The following KCNJ6 variants were observed in gnomAD, a reference collection of about 807,000 sequenced individuals.
KCNJ6 encodes potassium inwardly rectifying channel subfamily J member 6.
KCNJ6 carries 9 observed loss-of-function variants against 34.2 expected under a neutral mutation model. The ratio of observed to expected loss-of-function variants is 0.26; its 90% CI spans 0.16 to 0.46. The LOEUF (loss-of-function observed/expected upper bound fraction) is 0.46, where lower values mean the gene tolerates loss of function less well. Among genes scored for constraint, KCNJ6 ranks in the 20% least tolerant of loss-of-function variants. KCNJ6 has a pLI of 1.00. For synonymous variants in KCNJ6, 196 were observed against 207.1 expected (o/e 0.95, Z 0.46); for missense variants, 236 against 531.3 (o/e 0.44, Z 5.46).
chr21:37,798,420 G>A (rs1205689810), intron 2 of KCNJ6, among the ~76,000 whole-genome samples: 1 of 152,160 alleles, frequency 6.6e-6, no homozygotes, highest in African/African-American at 2.4e-5. Context: ...GCATTTGAGT[G>A]CAGTTACCCT....
rs2055837531 is a variant in KCNJ6 at position 37,905,561 on chromosome 21, G to A, written c.-28+10323C>T. ...GGAAAACCTTACTAAGCACCAAAAC[G>A]CTACTGTTCTTCCAAGACTCCTTCA... On this transcript the variant is annotated intron_variant, in intron 1 of 3. Transcript: ENST00000609713. Among the ~76,000 whole-genome samples the A allele has an allele frequency of 3.9e-5, 6 of 152,074 alleles. No homozygotes were observed. The South Asian group carries it at 8.3e-4, about 21-fold the overall frequency.
intron 3 of KCNJ6, among the ~76,000 whole-genome samples, chr21:37,667,010 CTG>C (rs1465135652): frequency 6.6e-6 from 1 of 151,714 alleles, no homozygotes; most frequent in East Asian, 1.9e-4. Context: ...GACACAAACA[CTG>C]TGGAAGGCCG....
At position 37,712,725 on chromosome 21, in the gene KCNJ6, T is replaced by C. The variant is rs190815583; in HGVS notation, c.946+1486A>G. Among the ~76,000 whole-genome samples the C allele has an allele frequency of 9.0e-3, 325 of 36,064 alleles. 26 individuals carry two copies. Among genetic ancestry groups the C allele is most frequent in the Middle Eastern group, 0.019 (1 of 54 alleles). The allele number at this position is 36,064 out of a possible 152,430, so 23.7% of individuals were successfully genotyped here. ...TCCTTCCTCCCTTTCTCTTCCCTCC[T>C]TCCTCCCCTTCTCCTCCTCTCCTTC... On this transcript the variant is annotated intron_variant, in intron 3 of 3. Coordinates refer to ENST00000609713, the MANE Select transcript of KCNJ6 (RefSeq NM_002240.5).
chr21:37,718,843 GA>G (rs2054808686), intron 2 of KCNJ6, among the ~76,000 whole-genome samples: 1 of 152,064 alleles, frequency 6.6e-6, no homozygotes. Context: ...ATAACAATGG[GA>G]AACAAAAAAA....
intron 3 of KCNJ6, among the ~76,000 whole-genome samples, chr21:37,629,296 A>T (rs1281502042): frequency 1.3e-5 from 2 of 152,154 alleles, no homozygotes; most frequent in Non-Finnish European, 2.9e-5. Context: ...AAACAAAGTG[A>T]TCCAAAATAT....
intron 2 of KCNJ6, among the ~76,000 whole-genome samples, chr21:37,760,358 CAG>C (rs1844273766): frequency 6.6e-6 from 1 of 152,220 alleles, no homozygotes; most frequent in African/African-American, 2.4e-5. Flanking sequence ...TAAGGCCACA[CAG>C]AGTCAGAATT....
chr21:37,688,292 T>C (rs1251842431), intron 3 of KCNJ6, among the ~76,000 whole-genome samples: 1 of 152,238 alleles, frequency 6.6e-6, no homozygotes, highest in Non-Finnish European at 1.5e-5. Context: ...TTGACATTTT[T>C]AGATGTTTGA....
At chr21:37,776,145 CTCTG>C (rs1367077423) in intron 2 of KCNJ6, among the ~76,000 whole-genome samples, 1 of 151,948 alleles carries the variant, frequency 6.6e-6, no homozygotes, top group African/African-American at 2.4e-5. Flanking sequence ...TTATTTGGCT[CTCTG>C]TCTGTTATTG....
intron 2 of KCNJ6, among the ~76,000 whole-genome samples, chr21:37,783,074 G>A (rs1221449566): frequency 6.6e-6 from 1 of 152,164 alleles, no homozygotes. Flanking sequence ...TAGTTTTACA[G>A]AGGAGGAGGC....
intron 2 of KCNJ6, among the ~76,000 whole-genome samples, chr21:37,726,887 C>T (rs2054857736): frequency 6.6e-6 from 1 of 152,194 alleles, no homozygotes; most frequent in Non-Finnish European, 1.5e-5. Context: ...CTCCAAAGTT[C>T]GTATCTACCC....
Position 37,675,365 on chromosome 21 carries a change from C to T in KCNJ6, c.946+38846G>A, listed in dbSNP as rs2054560061. Among the ~76,000 whole-genome samples, 1 of 152,376 alleles carries T rather than the reference C, an allele frequency of 6.6e-6. No homozygotes were observed. The highest frequency in any genetic ancestry group is 1.9e-4 in the East Asian group (1 of 5,188). ...GAGTGGCTGCATTGGCTTTAAGAAA[C>T]TGCGCCGGGCTGGGCAGCCGACGCA... On this transcript the variant is annotated intron_variant, in intron 3 of 3. Coordinates refer to ENST00000609713, the MANE Select transcript of KCNJ6 (RefSeq NM_002240.5). This position sits in a 1 kb window ranked among gnomAD's most constrained non-coding sequence, Gnocchi z 4.2.
At chr21:37,760,239 G>A (rs2055053933) in intron 2 of KCNJ6, among the ~76,000 whole-genome samples, 1 of 152,212 alleles carries the variant, frequency 6.6e-6, no homozygotes, top group Non-Finnish European at 1.5e-5. Context: ...AAGCCACTAT[G>A]TTTTGGCATA....
chr21:37,792,443 C>T (rs1452971298), intron 2 of KCNJ6, among the ~76,000 whole-genome samples: 1 of 152,160 alleles, frequency 6.6e-6, no homozygotes, highest in Admixed American at 6.5e-5. Flanking sequence ...TTGCCCATTT[C>T]CTTGAAGATC....
intron 1 of KCNJ6, among the ~76,000 whole-genome samples, chr21:37,849,829 C>T (rs868100300): frequency 6.6e-6 from 1 of 152,200 alleles, no homozygotes; most frequent in South Asian, 2.1e-4. Flanking sequence ...CCATGACTTA[C>T]AAAGTAACAG....
rs2054286594 is a variant in KCNJ6 at position 37,620,429 on chromosome 21, T to G, written c.*4730A>C. 6.6e-6 allele frequency: 1 copy of G among 152,256 alleles called. No individual in the cohort carries two copies. Among genetic ancestry groups the G allele is most frequent in the South Asian group, 2.1e-4 (1 of 4,836 alleles). The allele number at this position is 152,256 out of a possible 1,614,324, so 9.4% of individuals were successfully genotyped here. A position where few individuals can be genotyped will look rare whatever the true frequency, so the allele number is the denominator to read the frequency against. ...TGGACATTGAAATTTGAATTTAGGA[T>G]GATTTTCACATGTCTCAAAATATTC... On this transcript the variant is annotated 3_prime_UTR_variant, in exon 4 of 4. Transcript: ENST00000609713.
chr21:37,871,896 G>A (rs1725748012), intron 1 of KCNJ6, among the ~76,000 whole-genome samples: 1 of 152,238 alleles, frequency 6.6e-6, no homozygotes, highest in African/African-American at 2.4e-5. Context: ...TTAGGCAGCT[G>A]TTAAAATGTT....
chr21:37,765,269 G>A (rs752979386), intron 2 of KCNJ6, among the ~76,000 whole-genome samples: 10 of 152,150 alleles, frequency 6.6e-5, no homozygotes, highest in Non-Finnish European at 8.8e-5. Context: ...TTTGATAGCT[G>A]GAAATTGGCC....
chr21:37,837,812 G>T (rs1252367809), intron 2 of KCNJ6, among the ~76,000 whole-genome samples: 2 of 151,674 alleles, frequency 1.3e-5, no homozygotes, highest in Non-Finnish European at 2.9e-5. Context: ...CCTACTGATA[G>T]AATATCCTTA....
Position 37,625,179 on chromosome 21 carries a change from C to G in KCNJ6, c.1252G>C (p.Glu418Gln). ...GGGCACTAAACTTTGGATTCATTCTCCAGGTTTGCCACATCACCATTTCTT... is the reference window on the plus strand; with the variant it reads ...GGGCACTAAACTTTGGATTCATTCTGCAGGTTTGCCACATCACCATTTCTT... ...TERNGDVANLENESKV is the reference protein window; with the variant it reads ...TERNGDVANLQNESKV The change falls in exon 4 of 4, where the codon GAG becomes CAG. Residue 418 changes from glutamate (E) to glutamine (Q), a missense_variant. This residue lies in a region of KCNJ6 where 43 missense variants were observed against 52.1 expected (regional missense o/e 0.82). Coordinates refer to ENST00000609713, the MANE Select transcript of KCNJ6 (RefSeq NM_002240.5). 6.2e-7 allele frequency: 1 copy of G among 1,613,870 alleles called. No homozygotes were observed. Among genetic ancestry groups the G allele is most frequent in the Non-Finnish European group, 8.5e-7 (1 of 1,179,866 alleles).
Sources: allele counts gnomAD v4.1 joint callset (sites outside exome capture counted in the v4.1 genomes callset), GRCh38; gene constraint gnomAD v4.1.1; regional missense constraint gnomAD v4.1.1; non-coding constraint Gnocchi (gnomAD v3.1); transcripts MANE v1.5; gene names NCBI Gene and HGNC (gene_info 2026-07-23, HGNC 2026-07-21).